CSMD3: variants seen among roughly 807,000 people sequenced by gnomAD.
CSMD3 encodes CUB and sushi domain-containing protein 3.
CSMD3 carries 177 observed loss-of-function variants against 435.2 expected under a neutral mutation model. The observed-to-expected ratio is 0.41, with a 90% CI of 0.36 to 0.46. CSMD3 has a LOEUF of 0.46. Among genes scored for constraint, CSMD3 ranks in the 20% least tolerant of loss-of-function variants. CSMD3 has a pLI of 0.34. For synonymous variants in CSMD3, 1,656 were observed against 1,520.5 expected, an observed-to-expected ratio of 1.09 and a Z score of -2.07; for missense variants, 4,265 against 4,504.6, an observed-to-expected ratio of 0.95 and a Z score of 1.52.
In CSMD3 at chr8:113,068,972, T is replaced by A. The variant is rs2088981669; in HGVS notation, c.917+29784A>T. On this transcript the variant is annotated intron_variant, in intron 5 of 70. Transcript: ENST00000297405. ...CTCACTATTTAATTCTGTATAAGGATAAACAGGTAAGGAAACAGTTACTAG... is the reference window on the plus strand; with the variant it reads ...CTCACTATTTAATTCTGTATAAGGAAAAACAGGTAAGGAAACAGTTACTAG... 2.6e-5 allele frequency among the ~76,000 whole-genome samples: 4 copies of A among 152,000 alleles called. No homozygotes were observed. In the South Asian group the frequency reaches 8.3e-4, roughly 32 times the overall value.
chr8:113,129,975 A>C (rs1245455918), intron 4 of CSMD3, among the ~76,000 whole-genome samples: 1 of 151,662 alleles, frequency 6.6e-6, no homozygotes, highest in East Asian at 1.9e-4. Flanking sequence ...ACTTATTTAC[A>C]TATATATATA....
chr8:112,226,572 A>C (rs923240454), intron 70 of CSMD3, among the ~76,000 whole-genome samples: 2 of 152,186 alleles, frequency 1.3e-5, no homozygotes, highest in African/African-American at 2.4e-5. Flanking sequence ...AACTTCATCA[A>C]ATGGAAACTT....
intron 5 of CSMD3, among the ~76,000 whole-genome samples, chr8:113,083,643 T>C (rs2089648979): frequency 6.6e-6 from 1 of 151,868 alleles, no homozygotes; most frequent in Non-Finnish European, 1.5e-5. Context: ...AAACAAATAA[T>C]ATACAAAACA....
chr8:113,421,384 T>C (rs1383073285), intron 1 of CSMD3, among the ~76,000 whole-genome samples: 2 of 152,156 alleles, frequency 1.3e-5, no homozygotes, highest in African/African-American at 4.8e-5. Flanking sequence ...ACAAAAGTGT[T>C]TTCACAAGCT....
At chr8:112,316,832 T>G (rs1388500036) in intron 47 of CSMD3, among the ~76,000 whole-genome samples, 1 of 151,922 alleles carries the variant, frequency 6.6e-6, no homozygotes, top group East Asian at 1.9e-4. Flanking sequence ...TATCTGGAAT[T>G]ATTTTCCACA....
chr8:113,271,160 A>T (rs1422176197), intron 3 of CSMD3, among the ~76,000 whole-genome samples: 2 of 152,134 alleles, frequency 1.3e-5, no homozygotes, highest in East Asian at 3.9e-4. Flanking sequence ...AGAGCAAAAA[A>T]GTTCAGAAAA....
rs1171866122 is a variant in CSMD3 at position 112,933,034 on chromosome 8, T to C, written c.1509-11283A>G. Among the ~76,000 whole-genome samples, 3 of 152,176 alleles carry C rather than the reference T, an allele frequency of 2.0e-5. No homozygotes were observed. In the South Asian group the frequency reaches 6.2e-4, roughly 31 times the overall value. ...CAAAAACAAAAATAAGAAATAGTGC[T>C]CTACTAAATGTTAGGCAAATTTAGT... On this transcript the variant is annotated intron_variant, in intron 9 of 70. Coordinates refer to ENST00000297405, the MANE Select transcript of CSMD3 (RefSeq NM_198123.2).
chr8:112,627,327 C>T (rs1372460610), intron 22 of CSMD3, among the ~76,000 whole-genome samples: 6 of 152,090 alleles, frequency 3.9e-5, no homozygotes, highest in African/African-American at 1.4e-4. Context: ...TGAACTTGGG[C>T]AAATTCCAAA....
intron 1 of CSMD3, among the ~76,000 whole-genome samples, chr8:113,406,444 G>A (rs1227166781): frequency 1.3e-5 from 2 of 151,884 alleles, no homozygotes; most frequent in Non-Finnish European, 2.9e-5. Flanking sequence ...TTTGGTGCAT[G>A]TGAAAAAAGA....
At chr8:113,156,528 G>A (rs2091931695) in intron 4 of CSMD3, among the ~76,000 whole-genome samples, 1 of 151,650 alleles carries the variant, frequency 6.6e-6, no homozygotes, top group South Asian at 2.1e-4. Flanking sequence ...AGAAGTTCTT[G>A]TCTACTCTTT....
At chr8:112,496,801 G>A in intron 30 of CSMD3, among the ~76,000 whole-genome samples, 1 of 151,604 alleles carries the variant, frequency 6.6e-6, no homozygotes, top group Non-Finnish European at 1.5e-5. Context: ...GGCTGGGAAG[G>A]GTAGTAGAGG....
chr8:112,922,817 A>C (rs974479678), intron 9 of CSMD3, among the ~76,000 whole-genome samples: 31 of 152,046 alleles, frequency 2.0e-4, no homozygotes, highest in Admixed American at 1.8e-3. Flanking sequence ...CGTATAACCA[A>C]AGAGAGATTA....
chr8:112,550,390 A>T (rs1428527546), intron 27 of CSMD3, among the ~76,000 whole-genome samples: 4 of 151,724 alleles, frequency 2.6e-5, no homozygotes, highest in African/African-American at 7.3e-5. Context: ...AGCTTTTGTG[A>T]TGTAATTTTT....
chr8:112,287,074 T>G lies in CSMD3; in HGVS notation c.9321A>C (p.Pro3107=). 1.9e-6 allele frequency: 3 copies of G among 1,613,522 alleles called. No individual in the cohort carries two copies. Among genetic ancestry groups the G allele is most frequent in the Non-Finnish European group, 2.5e-6 (3 of 1,179,584 alleles). ...LANGSWTGRQ[P]ECKAVQCGNP... ...TCTGCTTGAGATTACCTTTGCACTC[T>G]GGCTGCCTTCCGGTCCAACTGCCAT... The change falls in exon 58 of 71, where the codon CCA becomes CCC. Residue 3107 remains proline (P), a synonymous_variant. Coordinates refer to ENST00000297405, the MANE Select transcript of CSMD3 (RefSeq NM_198123.2).
At chr8:113,425,643 T>G (rs1026800091) in intron 1 of CSMD3, among the ~76,000 whole-genome samples, 1 of 151,444 alleles carries the variant, frequency 6.6e-6, no homozygotes, top group Non-Finnish European at 1.5e-5. Context: ...TTCTAGAAAA[T>G]GGATCTTAAA....
At chr8:113,320,626 C>CT (rs902507283) in intron 1 of CSMD3, among the ~76,000 whole-genome samples, 92 of 152,108 alleles carry the variant, frequency 6.0e-4, no homozygotes, top group African/African-American at 2.1e-3. Context: ...AAAATCAGTT[C>CT]TTTTTTAAAA....
At chr8:112,828,174 T>C (rs2079755187) in intron 12 of CSMD3, among the ~76,000 whole-genome samples, 1 of 152,220 alleles carries the variant, frequency 6.6e-6, no homozygotes, top group Non-Finnish European at 1.5e-5. Context: ...AAATGTCAGT[T>C]CAGTATGGTA....
chr8:112,656,132 A>G (rs1586902854), intron 18 of CSMD3, 22 bp downstream of exon 18: 5 of 1,373,114 alleles, frequency 3.6e-6, no homozygotes, highest in African/African-American at 1.4e-5. Flanking sequence ...TGAGGAAATC[A>G]AAAAGTTTTA....
intron 1 of CSMD3, among the ~76,000 whole-genome samples, chr8:113,329,456 A>T (rs554667017): frequency 6.6e-6 from 1 of 152,254 alleles, no homozygotes; most frequent in African/African-American, 2.4e-5. Context: ...AGGGAACATA[A>T]ACAGAAAATA....
Sources: gnomAD v4.1 joint callset for allele counts (sites outside exome capture counted in the v4.1 genomes callset) on GRCh38, gnomAD v4.1.1 for gene constraint, MANE v1.5 for transcripts, NCBI Gene and HGNC (gene_info 2026-07-23, HGNC 2026-07-21) for gene names.